Variants in ATP2B2 observed in about 807,000 individuals in gnomAD.
ATP2B2 encodes the protein plasma membrane calcium-transporting ATPase 2.
ATP2B2 carries 15 observed loss-of-function variants against 120.0 expected under a neutral mutation model. The observed-to-expected ratio is 0.12, with a 90% CI of 0.08 to 0.19. The LOEUF is 0.19. Among genes scored for constraint, ATP2B2 ranks in the 10% least tolerant of loss-of-function variants. The pLI is 1.00. For missense variants in ATP2B2, 1,045 were observed against 1,719.8 expected, an observed-to-expected ratio of 0.61 and a Z score of 6.94; for synonymous variants, 694 against 700.3, an observed-to-expected ratio of 0.99 and a Z score of 0.14.
At chr3:10,464,384 A>G (rs926959494) in intron 1 of ATP2B2, among the ~76,000 whole-genome samples, 2 of 152,112 alleles carry the variant, frequency 1.3e-5, no homozygotes, top group Non-Finnish European at 2.9e-5. Flanking sequence ...CACAGAGCCA[A>G]GGGTTTGATG....
intron 1 of ATP2B2, among the ~76,000 whole-genome samples, chr3:10,694,843 C>T (rs1257747279): frequency 2.0e-5 from 3 of 152,080 alleles, no homozygotes; most frequent in Admixed American, 6.6e-5. Context: ...TGCCCCCTTC[C>T]CCCCTCCCTC....
In ATP2B2 at chr3:10,432,805, G is replaced by A. The variant is rs1022050000; in HGVS notation, c.199+16540C>T. On this transcript the variant is annotated intron_variant, in intron 2 of 22. Coordinates refer to ENST00000360273, the MANE Select transcript of ATP2B2 (RefSeq NM_001001331.4). The stretch of plus-strand genomic sequence containing the variant: ...GCGGCTTTCTACATTAGGGACAGAG[G>A]GAACGACAGGGAAGCCTGGCCAGGG... Among the ~76,000 whole-genome samples, 8 of 152,318 alleles carry A rather than the reference G, an allele frequency of 5.3e-5. No individual in the cohort carries two copies. The East Asian group carries it at 1.2e-3, about 22-fold the overall frequency.
Position 10,342,312 on chromosome 3 carries a change from G to C in ATP2B2, c.2917+440C>G, listed in dbSNP as rs241508. Among the ~76,000 whole-genome samples the C allele has an allele frequency of 6.6e-6, 1 of 151,970 alleles. No homozygotes were observed. The highest frequency in any genetic ancestry group is 1.5e-5 in the Non-Finnish European group (1 of 67,984). On this transcript the variant is annotated intron_variant, in intron 19 of 22. Coordinates refer to ENST00000360273, the MANE Select transcript of ATP2B2 (RefSeq NM_001001331.4). The surrounding 1 kb of genome is among the most constrained non-coding windows in gnomAD (Gnocchi z 4.4). ...CAGCCCAAGTGGAAGCATTGTGAGA[G>C]TCGGTGGTGGTGTGAGCGTGTATGC...
chr3:10,325,171 G>A lies in ATP2B2; in HGVS notation c.*3643C>T, dbSNP rs1245620707. 2 of 152,130 alleles carry A rather than the reference G, an allele frequency of 1.3e-5. No homozygotes were observed. Among genetic ancestry groups the A allele is most frequent in the Non-Finnish European group, 2.9e-5 (2 of 68,056 alleles). 9.4% of individuals were successfully genotyped at this position (152,130 alleles called of 1,614,324 possible). A position where few individuals can be genotyped will look rare whatever the true frequency, so the allele number is the denominator to read the frequency against. Reference sequence around the variant, plus strand: ...TGGACAGTAATTACAATGGGGGGAAGATGATGGCACAGGGAATGACAGAGC... The same window carrying A: ...TGGACAGTAATTACAATGGGGGGAAAATGATGGCACAGGGAATGACAGAGC... On this transcript the variant is annotated 3_prime_UTR_variant, in exon 23 of 23. Coordinates refer to ENST00000360273, the MANE Select transcript of ATP2B2 (RefSeq NM_001001331.4).
At chr3:10,688,287 T>C (rs73028123) in intron 1 of ATP2B2, among the ~76,000 whole-genome samples, 4,595 of 152,270 alleles carry the variant, frequency 0.03, 74 homozygotes, top group South Asian at 0.071. Context: ...GTTTGGCTGC[T>C]GTTCTCCACT....
rs916973108 is a variant in ATP2B2, at chr3:10,375,349, C to G, written c.1416+81G>C. On this transcript the variant is annotated intron_variant, in intron 11 of 22. Coordinates refer to ENST00000360273, the MANE Select transcript of ATP2B2 (RefSeq NM_001001331.4). The surrounding 1 kb of genome is among the most constrained non-coding windows in gnomAD (Gnocchi z 4.2). ...GGGCTTCTTCGTTCATCTCCCAACC[C>G]CAGCACCAGCCCCAGTGATTCCCCC... The G allele has an allele frequency of 2.8e-5, 37 of 1,300,904 alleles. No homozygotes were observed. The highest frequency in any genetic ancestry group is 4.4e-5 in the African/African-American group (3 of 68,858). 80.6% of individuals were successfully genotyped at this position (1,300,904 alleles called of 1,614,324 possible). A position where few individuals can be genotyped will look rare whatever the true frequency, so the allele number is the denominator to read the frequency against.
At chr3:10,360,704 T>C (rs2060872529) in intron 12 of ATP2B2, among the ~76,000 whole-genome samples, 1 of 152,240 alleles carries the variant, frequency 6.6e-6, no homozygotes, top group African/African-American at 2.4e-5. Context: ...TTAACACAAG[T>C]ACCACAACTG....
At chr3:10,435,330 C>T (rs1559334591) in intron 2 of ATP2B2, among the ~76,000 whole-genome samples, 1 of 152,148 alleles carries the variant, frequency 6.6e-6, no homozygotes, top group Non-Finnish European at 1.5e-5. Context: ...GCAGGGGGGT[C>T]TGAGGTTCTC....
chr3:10,429,227 G>A (rs17032876), intron 2 of ATP2B2, among the ~76,000 whole-genome samples: 9,969 of 152,176 alleles, frequency 0.066, 600 homozygotes, highest in East Asian at 0.3. Context: ...ATTTCCTCCA[G>A]AGTCCTTAAG....
At position 10,360,057 on chromosome 3, in the gene ATP2B2, A is replaced by T. The variant is rs1219521271; in HGVS notation, c.1726T>A (p.Phe576Ile). Residue 576 changes from phenylalanine (F) to isoleucine (I), a missense_variant, in exon 13 of 23, where the codon TTC (phenylalanine) becomes ATC (isoleucine). Coordinates refer to ENST00000360273, the MANE Select transcript of ATP2B2 (RefSeq NM_001001331.4). ...GNKTECGLLGFVLDLKQDYEP... is the reference protein window; with the variant it reads ...GNKTECGLLGIVLDLKQDYEP... The stretch of plus-strand genomic sequence containing the variant: ...TAGTCCTGCTTCAGGTCCAGCACGA[A>T]GCCCAGCAGGCCGCACTCCGTCTTG... 1 of 1,611,862 alleles carries T rather than the reference A, an allele frequency of 6.2e-7. No individual in the cohort carries two copies.
Position 10,505,312 on chromosome 3 carries a change from AC to A in ATP2B2, c.-320+152del, listed in dbSNP as rs556251638. Among the ~76,000 whole-genome samples the A allele has an allele frequency of 6.7e-3, 987 of 147,336 alleles. 7 individuals are homozygous for A. Among genetic ancestry groups the A allele is most frequent in the Non-Finnish European group, 8.3e-3 (552 of 66,682 alleles). On this transcript the variant is annotated intron_variant, in intron 1 of 22. Transcript: ENST00000360273. Reference sequence around the variant, plus strand: ...TGCCAGATAAACAAGCCCTGCTCCCACCCCCCCTCCACGCTGCCACCGCCAC... The same window carrying A: ...TGCCAGATAAACAAGCCCTGCTCCCACCCCCCTCCACGCTGCCACCGCCAC...
chr3:10,654,891 AC>A (rs2070572729), intron 1 of ATP2B2, among the ~76,000 whole-genome samples: 1 of 152,098 alleles, frequency 6.6e-6, no homozygotes, highest in African/African-American at 2.4e-5. Flanking sequence ...CTGTCCACAA[AC>A]CACATTTAGA....
chr3:10,651,834 C>A (rs995989795), intron 1 of ATP2B2, among the ~76,000 whole-genome samples: 14 of 152,086 alleles, frequency 9.2e-5, no homozygotes, highest in African/African-American at 3.4e-4. Context: ...AGGATTATAA[C>A]CTTCTGGAAA....
chr3:10,342,104 G>T lies in ATP2B2; in HGVS notation c.2917+648C>A, dbSNP rs1306031885. Reference sequence around the variant, plus strand: ...AGGCTTTGTTGGGATTGCCTCCGAAGCATCTGTGGAAACCAGGCCAGTCTT... The same window carrying T: ...AGGCTTTGTTGGGATTGCCTCCGAATCATCTGTGGAAACCAGGCCAGTCTT... On this transcript the variant is annotated intron_variant, in intron 19 of 22. Transcript: ENST00000360273. This position sits in a 1 kb window ranked among gnomAD's most constrained non-coding sequence, Gnocchi z 4.4. Among the ~76,000 whole-genome samples, 1 of 152,238 alleles carries T rather than the reference G, an allele frequency of 6.6e-6. No homozygotes were observed. The highest frequency in any genetic ancestry group is 1.5e-5 in the Non-Finnish European group (1 of 68,042).
intron 1 of ATP2B2, among the ~76,000 whole-genome samples, chr3:10,622,050 G>T (rs914786507): frequency 2.6e-5 from 4 of 152,152 alleles, no homozygotes; most frequent in African/African-American, 9.7e-5. Flanking sequence ...ATGTCTCCCT[G>T]ATGCCCATAT....
chr3:10,456,267 C>T (rs960681461), intron 1 of ATP2B2, among the ~76,000 whole-genome samples: 10 of 152,184 alleles, frequency 6.6e-5, no homozygotes, highest in African/African-American at 1.9e-4. Context: ...CTTCTGGATG[C>T]CAAATTCTTC....
chr3:10,350,979 CAT>C (rs2125412784), intron 14 of ATP2B2, among the ~76,000 whole-genome samples: 1 of 152,324 alleles, frequency 6.6e-6, no homozygotes, highest in South Asian at 2.1e-4. Flanking sequence ...GCCTCATCCA[CAT>C]ACATAGTTCC....
rs1374601595 is a variant in ATP2B2 at position 10,346,154 on chromosome 3, G to T, written c.2405-17C>A. ...CGATGATGCCTGTTGGGGCAGGAGT[G>T]TGCTCAGGCCCTGGGCCACTCAGGT... On this transcript the variant is annotated splice_polypyrimidine_tract_variant and intron_variant, in intron 16 of 22. Coordinates refer to ENST00000360273, the MANE Select transcript of ATP2B2 (RefSeq NM_001001331.4). The surrounding 1 kb of genome is among the most constrained non-coding windows in gnomAD (Gnocchi z 4.1). 1 of 1,607,444 alleles carries T rather than the reference G, an allele frequency of 6.2e-7. No individual in the cohort carries two copies. Among genetic ancestry groups the T allele is most frequent in the South Asian group, 1.1e-5 (1 of 91,042 alleles).
chr3:10,394,513 C>G, intron 5 of ATP2B2: 1 of 471,100 alleles, frequency 2.1e-6, no homozygotes, highest in Non-Finnish European at 4.4e-6. Context: ...CACTACACCC[C>G]GCTGCCTCTC....
Sources: gnomAD v4.1 joint callset for allele counts (sites outside exome capture counted in the v4.1 genomes callset) on GRCh38, gnomAD v4.1.1 for gene constraint, Gnocchi (gnomAD v3.1) non-coding constraint, MANE v1.5 for transcripts, NCBI Gene and HGNC (gene_info 2026-07-23, HGNC 2026-07-21) for gene names.